The following ERGIC1 variants were observed in gnomAD, a reference collection of about 807,000 sequenced individuals.
ERGIC1 encodes endoplasmic reticulum-golgi intermediate compartment 1.
Under a neutral mutation model 38.3 loss-of-function variants are expected in ERGIC1, and 19 were observed. That is an observed-to-expected ratio of 0.50 (90% CI 0.35 to 0.73). The LOEUF (loss-of-function observed/expected upper bound fraction) is 0.73. Ranked by LOEUF, ERGIC1 falls within the 30% of genes least tolerant of loss-of-function variation. The pLI, the probability that ERGIC1 is intolerant of heterozygous loss-of-function variation, is 0.01. For missense variants in ERGIC1, 294 were observed against 389.2 expected (o/e 0.76, Z 2.06); for synonymous variants, 124 against 157.6 (o/e 0.79, Z 1.60).
intron 9 of ERGIC1, among the ~76,000 whole-genome samples, chr5:172,941,794 T>C (rs993339149): frequency 5.9e-5 from 9 of 152,252 alleles, no homozygotes; most frequent in Non-Finnish European, 1.2e-4. Flanking sequence ...GGCTGATAGT[T>C]TGCAAGTTTT....
intron 1 of ERGIC1, among the ~76,000 whole-genome samples, chr5:172,853,646 G>T (rs1434142429): frequency 6.6e-6 from 1 of 152,240 alleles, no homozygotes; most frequent in Non-Finnish European, 1.5e-5. Flanking sequence ...CAGGGTCCAG[G>T]CCTTGGTGTT....
intron 3 of ERGIC1, among the ~76,000 whole-genome samples, chr5:172,902,916 G>A (rs185597093): frequency 3.3e-5 from 5 of 152,128 alleles, no homozygotes; most frequent in Non-Finnish European, 5.9e-5. Context: ...AGATGTCATC[G>A]AACTCATGCC....
chr5:172,868,313 G>A (rs1039963406), intron 1 of ERGIC1, among the ~76,000 whole-genome samples: 4 of 152,298 alleles, frequency 2.6e-5, no homozygotes, highest in Non-Finnish European at 4.4e-5. Context: ...CTGAAAATCC[G>A]TGGGGATTGA....
chr5:172,891,370 A>G (rs1762554079), intron 2 of ERGIC1, among the ~76,000 whole-genome samples: 1 of 151,964 alleles, frequency 6.6e-6, no homozygotes. Context: ...CCATCTCTGC[A>G]GTCTCTCCCT....
At chr5:172,935,557 TAATTCCTGAAGCA>T (rs1763871912) in intron 9 of ERGIC1, 2 of 468,368 alleles carry the variant, frequency 4.3e-6, no homozygotes, top group Non-Finnish European at 7.7e-6. Flanking sequence ...GAAATCCATT[TAATTCCTGAAGCA>T]AATCTCCATA....
intron 2 of ERGIC1, among the ~76,000 whole-genome samples, chr5:172,896,111 G>C (rs1762715038): frequency 6.6e-6 from 1 of 152,134 alleles, no homozygotes; most frequent in South Asian, 2.1e-4. Context: ...GGGAGGCTGA[G>C]GCGGGCGGTT....
At chr5:172,930,187 C>CAAA (rs377062885) in intron 7 of ERGIC1, among the ~76,000 whole-genome samples, 2,595 of 107,848 alleles carry the variant, frequency 0.024, 42 homozygotes, top group East Asian at 0.046. Context: ...AACTCCGTTT[C>CAAA]AAAAAAAAAA....
At chr5:172,922,111 G>C (rs1222891187) in intron 5 of ERGIC1, 1 of 152,298 alleles carries the variant, frequency 6.6e-6, no homozygotes, top group Admixed American at 6.5e-5. Flanking sequence ...TGAAGGACTG[G>C]CGCCATGTGG....
chr5:172,859,167 C>T (rs1223968820), intron 1 of ERGIC1, among the ~76,000 whole-genome samples: 1 of 152,166 alleles, frequency 6.6e-6, no homozygotes, highest in Non-Finnish European at 1.5e-5. Flanking sequence ...GCATGCCAGT[C>T]CCCTTACGTG....
intron 1 of ERGIC1, among the ~76,000 whole-genome samples, chr5:172,875,529 G>A (rs935177240): frequency 2.0e-5 from 3 of 152,118 alleles, no homozygotes; most frequent in Non-Finnish European, 4.4e-5. Context: ...TGCCACAAAG[G>A]AGGCTGGGAA....
Position 172,834,533 on chromosome 5 carries a change from T to G in ERGIC1, c.20+100T>G. 8.6e-7 allele frequency: 1 copy of G among 1,158,838 alleles called. No individual in the cohort carries two copies. Among genetic ancestry groups the G allele is most frequent in the Non-Finnish European group, 1.1e-6 (1 of 927,426 alleles). 71.8% of individuals were successfully genotyped at this position (1,158,838 alleles called of 1,614,324 possible). A position where few individuals can be genotyped will look rare whatever the true frequency, so the allele number is the denominator to read the frequency against. ...CTCCCGCCCTGCATGCAAAAGCGGCTCCCCGCCCTGTGCATGCCTCCGCAG... is the reference window on the plus strand; with the variant it reads ...CTCCCGCCCTGCATGCAAAAGCGGCGCCCCGCCCTGTGCATGCCTCCGCAG... On this transcript the variant is annotated intron_variant, in intron 1 of 9. Coordinates refer to ENST00000393784, the MANE Select transcript of ERGIC1 (RefSeq NM_001031711.3). The surrounding 1 kb of genome is among the most constrained non-coding windows in gnomAD (Gnocchi z 4.1).
intron 1 of ERGIC1, among the ~76,000 whole-genome samples, chr5:172,852,155 T>A (rs1289274787): frequency 6.6e-6 from 1 of 152,126 alleles, no homozygotes; most frequent in South Asian, 2.1e-4. Flanking sequence ...CAGTGTTGCA[T>A]TTTTTGTACC....
chr5:172,838,427 C>T (rs528217782), intron 1 of ERGIC1, among the ~76,000 whole-genome samples: 180 of 152,232 alleles, frequency 1.2e-3, no homozygotes, highest in Non-Finnish European at 2.0e-3. Context: ...CTTGGTTTGG[C>T]CTCTACCATT....
chr5:172,867,289 G>A (rs1305907558), intron 1 of ERGIC1: 7 of 421,222 alleles, frequency 1.7e-5, no homozygotes, highest in Non-Finnish European at 3.4e-5. Flanking sequence ...GGCGGGGGTG[G>A]TGGACCTCCC....
At chr5:172,859,720 C>T (rs1039883351) in intron 1 of ERGIC1, among the ~76,000 whole-genome samples, 1 of 152,228 alleles carries the variant, frequency 6.6e-6, no homozygotes, top group Non-Finnish European at 1.5e-5. Context: ...GCAGCCCTTG[C>T]TGCTATCCTC....
chr5:172,924,136 TG>T, intron 6 of ERGIC1, 27 bp downstream of exon 6: 1 of 1,607,194 alleles, frequency 6.2e-7, no homozygotes, highest in Non-Finnish European at 8.5e-7. Flanking sequence ...CGAGATGGCA[TG>T]GCCGGGGGTG....
intron 8 of ERGIC1, 45 bp downstream of exon 8, chr5:172,932,581 C>T (rs1463523793): frequency 6.3e-7 from 1 of 1,582,462 alleles, no homozygotes; most frequent in Non-Finnish European, 8.7e-7. Flanking sequence ...GCGGCGCCCT[C>T]TGCTGACGGA....
chr5:172,854,306 C>T (rs561930882), intron 1 of ERGIC1, among the ~76,000 whole-genome samples: 4 of 151,982 alleles, frequency 2.6e-5, no homozygotes, highest in South Asian at 2.1e-4. Context: ...CACTTGAGCC[C>T]GGGAGGTTGA....
chr5:172,876,033 T>C (rs768593936), intron 1 of ERGIC1, among the ~76,000 whole-genome samples: 2 of 152,222 alleles, frequency 1.3e-5, no homozygotes, highest in African/African-American at 2.4e-5. Flanking sequence ...GCAAGAAGCA[T>C]TCCTGGGTAC....
Sources: allele counts gnomAD v4.1 joint callset (sites outside exome capture counted in the v4.1 genomes callset), GRCh38; gene constraint gnomAD v4.1.1; non-coding constraint Gnocchi (gnomAD v3.1); transcripts MANE v1.5; gene names NCBI Gene and HGNC (gene_info 2026-07-23, HGNC 2026-07-21).